The following TNIK variants were observed in gnomAD, a reference collection of about 807,000 sequenced individuals.
TNIK encodes the protein TRAF2 and NCK-interacting protein kinase.
A neutral mutation model predicts 191.3 loss-of-function variants in TNIK; 49 were observed. That is an observed-to-expected ratio of 0.26 (90% CI 0.20 to 0.32). TNIK has a LOEUF of 0.32. TNIK is among the 10% of genes least tolerant of loss of function. TNIK has a pLI of 1.00. For missense variants in TNIK, 1,155 were observed against 1,702.3 expected (o/e 0.68, Z 5.66); for synonymous variants, 594 against 600.9 (o/e 0.99, Z 0.17).
At chr3:171,455,845 TTCATCCAA>T (rs1441893424) in intron 1 of TNIK, among the ~76,000 whole-genome samples, 9 of 152,216 alleles carry the variant, frequency 5.9e-5, no homozygotes, top group African/African-American at 2.2e-4. Context: ...CACGTACTCA[TTCATCCAA>T]CTAATGGAGA....
At position 171,192,052 on chromosome 3, in the gene TNIK, T is replaced by G. The variant is rs112230019; in HGVS notation, c.418-1265A>C. On this transcript the variant is annotated intron_variant, in intron 5 of 32. Coordinates refer to ENST00000436636, the MANE Select transcript of TNIK (RefSeq NM_015028.4). Reference sequence around the variant, plus strand: ...AGGAAAAGAAACAAACCTAGATATCTGAATTCTCTTGTCAAAGAAATTCAG... The same window carrying G: ...AGGAAAAGAAACAAACCTAGATATCGGAATTCTCTTGTCAAAGAAATTCAG... Among the ~76,000 whole-genome samples, 797 of 152,328 alleles carry G rather than the reference T, an allele frequency of 5.2e-3. 6 individuals are homozygous for G. Among genetic ancestry groups the G allele is most frequent in the Admixed American group, 0.013 (193 of 15,306 alleles).
At chr3:171,166,185 G>T (rs547321614) in intron 10 of TNIK, among the ~76,000 whole-genome samples, 10 of 152,168 alleles carry the variant, frequency 6.6e-5, no homozygotes, top group Non-Finnish European at 1.3e-4. Flanking sequence ...GGAATGCAAA[G>T]TTCAAAAGTG....
At chr3:171,327,900 TAAAAAAAAAAAAAAAA>T in intron 2 of TNIK, among the ~76,000 whole-genome samples, 2 of 79,634 alleles carry the variant, frequency 2.5e-5, no homozygotes, top group South Asian at 8.7e-4. Flanking sequence ...ACCTGGCTCA[TAAAAAAAAAAAAAAAA>T]AAAAAAAAAA....
intron 10 of TNIK, among the ~76,000 whole-genome samples, chr3:171,166,223 G>C (rs1347594161): frequency 2.0e-5 from 3 of 152,138 alleles, no homozygotes; most frequent in Non-Finnish European, 2.9e-5. Context: ...TTCAAAATTT[G>C]CCTAATGAAA....
At chr3:171,367,002 C>CTG (rs1251768935) in intron 2 of TNIK, among the ~76,000 whole-genome samples, 1 of 152,206 alleles carries the variant, frequency 6.6e-6, no homozygotes, top group Non-Finnish European at 1.5e-5. Context: ...CCAGGCAGAA[C>CTG]TGTGAGTCAG....
chr3:171,310,865 T>A (rs954690579), intron 2 of TNIK, among the ~76,000 whole-genome samples: 1 of 152,186 alleles, frequency 6.6e-6, no homozygotes, highest in Non-Finnish European at 1.5e-5. Context: ...CTCTTTAGAA[T>A]GGCTGCAACA....
At chr3:171,441,633 T>C (rs1726816314) in intron 1 of TNIK, among the ~76,000 whole-genome samples, 1 of 152,240 alleles carries the variant, frequency 6.6e-6, no homozygotes, top group African/African-American at 2.4e-5. Context: ...TACAAGTTTC[T>C]GTGTGGACCT....
At chr3:171,217,713 A>C (rs1308801864) in intron 3 of TNIK, among the ~76,000 whole-genome samples, 1 of 152,186 alleles carries the variant, frequency 6.6e-6, no homozygotes, top group Non-Finnish European at 1.5e-5. Context: ...CACAGATATG[A>C]ATCAAAGAAT....
At chr3:171,280,239 T>C (rs1750271403) in intron 2 of TNIK, among the ~76,000 whole-genome samples, 1 of 152,224 alleles carries the variant, frequency 6.6e-6, no homozygotes, top group Non-Finnish European at 1.5e-5. Flanking sequence ...CAGATAATCA[T>C]GTGAGTCTTG....
chr3:171,081,624 A>T (rs1190757853), intron 27 of TNIK, among the ~76,000 whole-genome samples: 1 of 150,500 alleles, frequency 6.6e-6, no homozygotes, highest in Non-Finnish European at 1.5e-5. Context: ...AAGAAAAAAA[A>T]CTTTCAACAA....
At chr3:171,399,504 T>G (rs1366179815) in intron 1 of TNIK, among the ~76,000 whole-genome samples, 2 of 152,206 alleles carry the variant, frequency 1.3e-5, no homozygotes, top group African/African-American at 4.8e-5. Context: ...AATGTAGCAT[T>G]ATTTATAAGA....
chr3:171,190,120 C>T (rs137997535), intron 6 of TNIK, among the ~76,000 whole-genome samples: 1 of 152,156 alleles, frequency 6.6e-6, no homozygotes, highest in African/African-American at 2.4e-5. Context: ...TCTATTTGGG[C>T]AGTCCCAGAT....
chr3:171,364,065 A>C (rs1312026922), intron 2 of TNIK, among the ~76,000 whole-genome samples: 2 of 152,222 alleles, frequency 1.3e-5, no homozygotes, highest in African/African-American at 2.4e-5. Context: ...TCATTTTTGC[A>C]GTTTCTGGAG....
chr3:171,243,939 A>G (rs1486154820), intron 2 of TNIK, among the ~76,000 whole-genome samples: 2 of 152,198 alleles, frequency 1.3e-5, no homozygotes, highest in Non-Finnish European at 2.9e-5. Flanking sequence ...AGAAAGAACC[A>G]TCGATGTTAG....
intron 1 of TNIK, among the ~76,000 whole-genome samples, chr3:171,407,936 A>G (rs1231916156): frequency 6.6e-6 from 1 of 152,242 alleles, no homozygotes; most frequent in Non-Finnish European, 1.5e-5. Context: ...GTTCTGAGTC[A>G]GCTTTCATAA....
intron 1 of TNIK, among the ~76,000 whole-genome samples, chr3:171,457,221 T>G (rs1728890362): frequency 6.6e-6 from 1 of 152,234 alleles, no homozygotes; most frequent in African/African-American, 2.4e-5. Flanking sequence ...CTGTCATTGG[T>G]TGCTCTGGTT....
chr3:171,163,904 A>G (rs1734300054), intron 10 of TNIK, among the ~76,000 whole-genome samples: 1 of 152,256 alleles, frequency 6.6e-6, no homozygotes, highest in Non-Finnish European at 1.5e-5. Context: ...GTTGAAAAAA[A>G]TCACAAATAA....
At chr3:171,253,359 A>G (rs1238282968) in intron 2 of TNIK, among the ~76,000 whole-genome samples, 1 of 151,894 alleles carries the variant, frequency 6.6e-6, no homozygotes, top group East Asian at 1.9e-4. Context: ...TTGCAGCCTC[A>G]GTGAGGTGCG....
At chr3:171,200,620 A>C (rs1405058657) in intron 4 of TNIK, among the ~76,000 whole-genome samples, 1 of 152,226 alleles carries the variant, frequency 6.6e-6, no homozygotes, top group Non-Finnish European at 1.5e-5. Context: ...AGCTGATTCC[A>C]GAAGACATTT....
Sources: gnomAD v4.1 joint callset for allele counts (sites outside exome capture counted in the v4.1 genomes callset) on GRCh38, gnomAD v4.1.1 for gene constraint, MANE v1.5 for transcripts, NCBI Gene and HGNC (gene_info 2026-07-23, HGNC 2026-07-21) for gene names.